The following ADGRD1 variants were observed in gnomAD, a reference collection of about 807,000 sequenced individuals.
ADGRD1 encodes G-protein coupled receptor 133.
ADGRD1 carries 77 observed loss-of-function variants against 113.4 expected under a neutral mutation model. The ratio of observed to expected loss-of-function variants is 0.68; its 90% confidence interval spans 0.57 to 0.82. ADGRD1 has a LOEUF of 0.82. ADGRD1 is among the 40% of genes least tolerant of loss of function. The probability of loss-of-function intolerance (pLI) is 0.00; values close to 1 mark genes in which losing one functional copy is unlikely to be tolerated. For synonymous variants in ADGRD1, 474 were observed against 475.0 expected (o/e 1.00, Z 0.03); for missense variants, 1,036 against 1,139.1 (o/e 0.91, Z 1.30).
rs148294076 is a variant in ADGRD1 at position 130,979,054 on chromosome 12, C to T, written c.311-2830C>T. 2.6e-3 allele frequency among the ~76,000 whole-genome samples: 399 copies of T among 152,250 alleles called. 1 individual carries two copies. Among genetic ancestry groups the T allele is most frequent in the African/African-American group, 9.0e-3 (373 of 41,552 alleles). Reference sequence around the variant, plus strand: ...CCCAAGGCAGGTGTTGCAGGAAGCCCGTTCATGAGGTGGGTGTGGGTGGTG... The same window carrying T: ...CCCAAGGCAGGTGTTGCAGGAAGCCTGTTCATGAGGTGGGTGTGGGTGGTG... On this transcript the variant is annotated intron_variant, in intron 4 of 24. Coordinates refer to ENST00000261654, the MANE Select transcript of ADGRD1 (RefSeq NM_198827.5).
rs577992719 is a variant in ADGRD1, at chr12:131,132,461, C to T, written c.2267+645C>T. On this transcript the variant is annotated intron_variant, in intron 21 of 24. Coordinates refer to ENST00000261654, the MANE Select transcript of ADGRD1 (RefSeq NM_198827.5). ...CCTAAGCAGAAGGGGGACTCACTGA[C>T]GCAGCTGACTGTGAAGTCCGGAGCT... Among the ~76,000 whole-genome samples the T allele has an allele frequency of 2.2e-4, 33 of 152,322 alleles. No individual in the cohort carries two copies. The East Asian group carries it at 5.4e-3, about 25-fold the overall frequency.
At chr12:130,994,206 A>G in intron 8 of ADGRD1, 1 of 433,502 alleles carries the variant, frequency 2.3e-6, no homozygotes, top group Non-Finnish European at 4.7e-6. Flanking sequence ...ACAAGCTGGA[A>G]GGTCCTTATG....
rs771453644 is a variant in ADGRD1 at position 131,141,132 on chromosome 12, T to C, written c.*1869T>C. Reference sequence around the variant, plus strand: ...CTTGGATATTTCTCCTTATTTAGTTTCTAGTGAAACAAATCAAGTAAGGAA... The same window carrying C: ...CTTGGATATTTCTCCTTATTTAGTTCCTAGTGAAACAAATCAAGTAAGGAA... On this transcript the variant is annotated 3_prime_UTR_variant, in exon 25 of 25. Coordinates refer to ENST00000261654, the MANE Select transcript of ADGRD1 (RefSeq NM_198827.5). 1 of 152,266 alleles carries C rather than the reference T, an allele frequency of 6.6e-6. No individual in the cohort carries two copies. The highest frequency in any genetic ancestry group is 1.5e-5 in the Non-Finnish European group (1 of 68,048). 9.4% of individuals were successfully genotyped at this position (152,266 alleles called of 1,614,324 possible).
chr12:131,098,467 G>A (rs1458802647), intron 15 of ADGRD1, among the ~76,000 whole-genome samples: 1 of 152,188 alleles, frequency 6.6e-6, no homozygotes, highest in Non-Finnish European at 1.5e-5. Flanking sequence ...GGAGGGACAT[G>A]GTAGAGGATG....
chr12:131,105,716 C>T lies in ADGRD1; in HGVS notation c.1776-38C>T, dbSNP rs111431891. ...AGCCCAGCCTGGGGGACTGGGTCGG[C>T]GCAGGGCCCAGGCCTCACACCCTGC... is the stretch of plus-strand genomic sequence containing the variant. On this transcript the variant is annotated intron_variant, in intron 16 of 24. Coordinates refer to ENST00000261654, the MANE Select transcript of ADGRD1 (RefSeq NM_198827.5). The T allele has an allele frequency of 3.7e-3, 5,690 of 1,521,990 alleles. 12 individuals carry two copies. Among genetic ancestry groups the T allele is most frequent in the Non-Finnish European group, 4.8e-3 (5,339 of 1,113,946 alleles). 94.3% of individuals were successfully genotyped at this position (1,521,990 alleles called of 1,614,324 possible).
At chr12:131,081,802 C>T (rs1179580282) in intron 14 of ADGRD1, among the ~76,000 whole-genome samples, 13 of 152,160 alleles carry the variant, frequency 8.5e-5, no homozygotes, top group Admixed American at 8.5e-4. Context: ...TTTAACTCTT[C>T]TTGCAGTTCT....
rs1951220741 is a variant in ADGRD1, at chr12:131,140,623, C to T, written c.*1360C>T. 1 of 152,244 alleles carries T rather than the reference C, an allele frequency of 6.6e-6. No homozygotes were observed. The highest frequency in any genetic ancestry group is 2.4e-5 in the African/African-American group (1 of 41,460). 9.4% of individuals were successfully genotyped at this position (152,244 alleles called of 1,614,324 possible). A position where few individuals can be genotyped will look rare whatever the true frequency, so the allele number is the denominator to read the frequency against. On this transcript the variant is annotated 3_prime_UTR_variant, in exon 25 of 25. Coordinates refer to ENST00000261654, the MANE Select transcript of ADGRD1 (RefSeq NM_198827.5). ...ACTGTGACCATGATTTCATTCAGCCCCTCCACACCCCTATGTCTGCCTTGT... is the reference window on the plus strand; with the variant it reads ...ACTGTGACCATGATTTCATTCAGCCTCTCCACACCCCTATGTCTGCCTTGT...
rs1411242355 is a variant in ADGRD1 at position 131,108,884 on chromosome 12, G to A, written c.2041+7G>A. On this transcript the variant is annotated splice_region_variant and intron_variant, in intron 18 of 24. Transcript: ENST00000261654. ...TACTATGGGATGGGATGGGGTAGGT[G>A]GGGCAGGGCAGGTGGGATGGCGGGG... 1.3e-6 allele frequency: 2 copies of A among 1,590,372 alleles called. No homozygotes were observed. The highest frequency in any genetic ancestry group is 1.7e-6 in the Non-Finnish European group (2 of 1,162,060).
chr12:131,079,385 G>C (rs1885893613), intron 14 of ADGRD1, among the ~76,000 whole-genome samples: 2 of 152,180 alleles, frequency 1.3e-5, no homozygotes, highest in South Asian at 4.2e-4. Flanking sequence ...TTTGTATACT[G>C]CTAAATCTAA....
chr12:131,076,933 C>A, intron 14 of ADGRD1, 59 bp downstream of exon 14: 1 of 1,356,036 alleles, frequency 7.4e-7, no homozygotes, highest in Non-Finnish European at 1.1e-6. Context: ...AGGCCCGCCC[C>A]ATGCCAGCCC....
At chr12:131,132,113 G>A (rs563808092) in intron 21 of ADGRD1, among the ~76,000 whole-genome samples, 170 of 152,314 alleles carry the variant, frequency 1.1e-3, no homozygotes, top group Non-Finnish European at 2.1e-3. Flanking sequence ...GGGCGGCAAC[G>A]GGGAAGATTC....
chr12:130,990,946 G>C, intron 6 of ADGRD1, 68 bp from the exon 7 acceptor site: 1 of 1,225,562 alleles, frequency 8.2e-7, no homozygotes, highest in Non-Finnish European at 1.2e-6. Flanking sequence ...TTTTAACAAG[G>C]ACAGGTCTTC....
intron 15 of ADGRD1, among the ~76,000 whole-genome samples, chr12:131,085,261 C>T (rs764499414): frequency 3.9e-5 from 6 of 152,144 alleles, no homozygotes; most frequent in Non-Finnish European, 7.3e-5. Flanking sequence ...GAGGTGTCTC[C>T]GGGATGTGGC....
At position 131,084,466 on chromosome 12, in the gene ADGRD1, G is replaced by T. The variant is rs192657788; in HGVS notation, c.1548-74G>T. ...AGTTCACGGGGCCATGTGTTATGGG[G>T]GGTGCTGCTCTCAGTCCCCTGCCTG... On this transcript the variant is annotated intron_variant, in intron 14 of 24. Transcript: ENST00000261654. The surrounding 1 kb of genome is among the most constrained non-coding windows in gnomAD (Gnocchi z 4.5). 45 of 1,545,058 alleles carry T rather than the reference G, an allele frequency of 2.9e-5. No homozygotes were observed. The highest frequency in any genetic ancestry group is 3.8e-5 in the Non-Finnish European group (43 of 1,122,076).
intron 15 of ADGRD1, among the ~76,000 whole-genome samples, chr12:131,093,597 C>T (rs560138879): frequency 6.7e-4 from 102 of 152,300 alleles, no homozygotes; most frequent in Non-Finnish European, 1.1e-3. Flanking sequence ...TTTGCGGTCC[C>T]GAGGGTGTGT....
intron 13 of ADGRD1, among the ~76,000 whole-genome samples, chr12:131,038,419 T>C (rs1005397092): frequency 1.1e-4 from 17 of 152,218 alleles, no homozygotes; most frequent in Admixed American, 1.0e-3. Context: ...TCTGGTTTGG[T>C]ATCGCAGAGC....
chr12:131,048,559 C>T (rs1305340644), intron 13 of ADGRD1, among the ~76,000 whole-genome samples: 6 of 152,162 alleles, frequency 3.9e-5, no homozygotes, highest in Non-Finnish European at 5.9e-5. Flanking sequence ...TCTGGTGATC[C>T]GGGGCTCCAT....
In ADGRD1 at chr12:131,022,762, T is replaced by TA. The variant is rs1356971067; in HGVS notation, c.1473+8422_1473+8423insA. ...GGTGCCTTTGGTTGGAGAATGGCGT[T>TA]TAGAAAGCAGGATTAGGGACAGGCG... On this transcript the variant is annotated intron_variant, in intron 13 of 24. Coordinates refer to ENST00000261654, the MANE Select transcript of ADGRD1 (RefSeq NM_198827.5). This position sits in a 1 kb window ranked among gnomAD's most constrained non-coding sequence, Gnocchi z 4.6. 6.6e-6 allele frequency: 1 copy of TA among 151,924 alleles called. No homozygotes were observed. Among genetic ancestry groups the TA allele is most frequent in the Non-Finnish European group, 1.5e-5 (1 of 68,020 alleles). 9.4% of individuals were successfully genotyped at this position (151,924 alleles called of 1,614,324 possible). A position where few individuals can be genotyped will look rare whatever the true frequency, so the allele number is the denominator to read the frequency against.
chr12:131,105,065 G>C, intron 16 of ADGRD1, 131 bp downstream of exon 16: 1 of 671,904 alleles, frequency 1.5e-6, no homozygotes, highest in Non-Finnish European at 2.4e-6. Context: ...GGAAAGGTCT[G>C]GAAAGGCCCC....
Sources: gnomAD v4.1 joint callset for allele counts (sites outside exome capture counted in the v4.1 genomes callset) on GRCh38, gnomAD v4.1.1 for gene constraint, Gnocchi (gnomAD v3.1) non-coding constraint, MANE v1.5 for transcripts, NCBI Gene and HGNC (gene_info 2026-07-23, HGNC 2026-07-21) for gene names.